The following SLC35F4 variants were observed in gnomAD, a reference collection of about 807,000 sequenced individuals.
SLC35F4 encodes the protein chromosome 14 open reading frame 36.
A neutral mutation model predicts 44.2 loss-of-function variants in SLC35F4; 24 were observed. The observed-to-expected ratio is 0.54, with a 90% CI of 0.39 to 0.76. The LOEUF (loss-of-function observed/expected upper bound fraction) is 0.76. Ranked by LOEUF, SLC35F4 falls within the 30% of genes least tolerant of loss-of-function variation. The pLI is 0.00. For synonymous variants in SLC35F4, 238 were observed against 223.6 expected, an observed-to-expected ratio of 1.06 and a Z score of -0.57; for missense variants, 562 against 586.1, an observed-to-expected ratio of 0.96 and a Z score of 0.42.
chr14:57,800,615 C>T (rs1022151451), intron 1 of SLC35F4, among the ~76,000 whole-genome samples: 1 of 152,108 alleles, frequency 6.6e-6, no homozygotes, highest in Non-Finnish European at 1.5e-5. Context: ...AGCTAAGAAT[C>T]ATGATAAAAC....
At chr14:57,972,200 G>A (rs1411521490), downstream of SLC35F4, among the ~76,000 whole-genome samples, 7 of 152,192 alleles carry the variant, frequency 4.6e-5, no homozygotes, top group East Asian at 1.9e-4. Context: ...AGGCCATGGC[G>A]CCTTGTAGAT....
chr14:57,927,885 G>C (rs1288222284), intron 1 of SLC35F4, among the ~76,000 whole-genome samples: 1 of 152,014 alleles, frequency 6.6e-6, no homozygotes, highest in South Asian at 2.1e-4. Context: ...TTCCTACTAT[G>C]CCTCATGTTT....
chr14:57,766,328 T>C (rs2077233410), intron 1 of SLC35F4, among the ~76,000 whole-genome samples: 1 of 152,220 alleles, frequency 6.6e-6, no homozygotes, highest in East Asian at 1.9e-4. Context: ...CAGTTAAGTA[T>C]TCATGGAAAG....
chr14:57,762,446 T>C (rs1010235803), intron 1 of SLC35F4, among the ~76,000 whole-genome samples: 2 of 152,184 alleles, frequency 1.3e-5, no homozygotes, highest in African/African-American at 4.8e-5. Flanking sequence ...TTATTCACCT[T>C]GCTACTTGCT....
intron 1 of SLC35F4, among the ~76,000 whole-genome samples, chr14:57,863,530 T>C (rs1887857883): frequency 6.6e-6 from 1 of 152,240 alleles, no homozygotes. Flanking sequence ...CACTGTAGCC[T>C]TTTCTTAAGT....
At chr14:57,701,558 A>C (rs2075542319) in intron 1 of SLC35F4, among the ~76,000 whole-genome samples, 1 of 152,184 alleles carries the variant, frequency 6.6e-6, no homozygotes, top group African/African-American at 2.4e-5. Context: ...CACCAGCATC[A>C]CCACAAACAC....
At position 57,617,130 on chromosome 14, in the gene SLC35F4, C is replaced by CTTTTTTTTTTTTTT. The variant is rs3054446; in HGVS notation, c.104-23020_104-23007dup. Among the ~76,000 whole-genome samples, 204 of 99,244 alleles carry CTTTTTTTTTTTTTT rather than the reference C, an allele frequency of 2.1e-3. 8 individuals carry two copies. The highest frequency in any genetic ancestry group is 2.8e-3 in the Non-Finnish European group (147 of 52,450). The allele number at this position is 99,244 out of a possible 152,430, so 65.1% of individuals were successfully genotyped here. The stretch of plus-strand genomic sequence containing the variant: ...CGAGCTCAGCTTAACTGTACTTATT[C>CTTTTTTTTTTTTTT]TTTTTTTTTTTTTTTTTTGAGACAG... On this transcript the variant is annotated intron_variant, in intron 1 of 7. Coordinates refer to ENST00000556826, the MANE Select transcript of SLC35F4 (RefSeq NM_001306087.2).
intron 1 of SLC35F4, among the ~76,000 whole-genome samples, chr14:57,710,247 T>G (rs2075783999): frequency 6.6e-6 from 1 of 152,248 alleles, no homozygotes; most frequent in African/African-American, 2.4e-5. Context: ...GCCCTAAGCC[T>G]TCACAGCTTT....
At chr14:57,963,774 G>A (rs1890382653) in intron 1 of SLC35F4, among the ~76,000 whole-genome samples, 1 of 135,572 alleles carries the variant, frequency 7.4e-6, no homozygotes, top group East Asian at 2.4e-4. Context: ...CCAGGCTGGA[G>A]TGCAGTCGTG....
chr14:57,846,174 C>T (rs894368822), intron 1 of SLC35F4, among the ~76,000 whole-genome samples: 6 of 152,062 alleles, frequency 3.9e-5, no homozygotes, highest in Non-Finnish European at 8.8e-5. Flanking sequence ...ACTAAAATTC[C>T]ACTGCATCAT....
intron 1 of SLC35F4, among the ~76,000 whole-genome samples, chr14:57,710,342 A>C (rs2075786283): frequency 6.6e-6 from 1 of 152,216 alleles, no homozygotes; most frequent in South Asian, 2.1e-4. Flanking sequence ...ATGTATGAAA[A>C]TGCCTGAACA....
At chr14:57,605,862 C>T (rs961142908) in intron 1 of SLC35F4, among the ~76,000 whole-genome samples, 34 of 152,180 alleles carry the variant, frequency 2.2e-4, no homozygotes, top group African/African-American at 7.7e-4. Flanking sequence ...ATGCAGAAAC[C>T]AAAAACCAAA....
chr14:57,918,363 C>G (rs1889373198), intron 1 of SLC35F4, among the ~76,000 whole-genome samples: 1 of 152,192 alleles, frequency 6.6e-6, no homozygotes, highest in Non-Finnish European at 1.5e-5. Flanking sequence ...GATTCCTACT[C>G]TGGTAAGTTG....
chr14:57,925,935 G>A (rs527883764), intron 1 of SLC35F4, among the ~76,000 whole-genome samples: 3 of 152,178 alleles, frequency 2.0e-5, no homozygotes, highest in African/African-American at 7.2e-5. Flanking sequence ...CCCTTTACAG[G>A]GGCTTTTGTC....
intron 1 of SLC35F4, among the ~76,000 whole-genome samples, chr14:57,778,628 T>C (rs1488312335): frequency 6.6e-6 from 1 of 152,066 alleles, no homozygotes; most frequent in Non-Finnish European, 1.5e-5. Context: ...ATGGACCTAA[T>C]AGACATCTAC....
chr14:57,748,037 T>A (rs2076799977), intron 1 of SLC35F4, among the ~76,000 whole-genome samples: 1 of 152,202 alleles, frequency 6.6e-6, no homozygotes, highest in South Asian at 2.1e-4. Context: ...AATGATGGAG[T>A]GCCTGCACAT....
intron 1 of SLC35F4, among the ~76,000 whole-genome samples, chr14:57,728,865 T>G (rs2076279178): frequency 2.0e-5 from 3 of 152,204 alleles, no homozygotes; most frequent in Admixed American, 2.0e-4. Flanking sequence ...ATAAAATCCC[T>G]CAGCTTTTGT....
chr14:57,939,163 G>A (rs1396840197), intron 1 of SLC35F4, among the ~76,000 whole-genome samples: 2 of 151,990 alleles, frequency 1.3e-5, no homozygotes, highest in African/African-American at 4.8e-5. Flanking sequence ...TTCCCAAGCT[G>A]CCCTGGGTTT....
chr14:57,612,822 A>T (rs1290229712), intron 1 of SLC35F4, among the ~76,000 whole-genome samples: 1 of 152,194 alleles, frequency 6.6e-6, no homozygotes, highest in African/African-American at 2.4e-5. Flanking sequence ...ACCATAATTA[A>T]GGACAAGGAC....
Sources: gnomAD v4.1 joint callset for allele counts (sites outside exome capture counted in the v4.1 genomes callset) on GRCh38, gnomAD v4.1.1 for gene constraint, MANE v1.5 for transcripts, NCBI Gene and HGNC (gene_info 2026-07-23, HGNC 2026-07-21) for gene names.